MKNK2: variants seen among roughly 807,000 people sequenced by gnomAD.
The protein encoded by MKNK2 is MAPK interacting serine/threonine kinase 2, also known as MAP kinase-interacting serine/threonine-protein kinase 2.
A neutral mutation model predicts 55.0 loss-of-function variants in MKNK2; 54 were observed. That is an observed-to-expected ratio of 0.98 (90% CI 0.79 to 1.23). The LOEUF (loss-of-function observed/expected upper bound fraction) is 1.23. Among genes scored for constraint, MKNK2 ranks in the 50% most tolerant of loss-of-function variants. The pLI is 0.00. For synonymous variants in MKNK2, 323 were observed against 256.0 expected, an observed-to-expected ratio of 1.26 and a Z score of -2.50; for missense variants, 685 against 632.1, an observed-to-expected ratio of 1.08 and a Z score of -0.90.
chr19:2,040,803 A>G (rs2016860698), intron 12 of MKNK2: 2 of 557,456 alleles, frequency 3.6e-6, no homozygotes, highest in Non-Finnish European at 6.4e-6. Flanking sequence ...ACCACCCTCC[A>G]GGAAGGTTCT....
chr19:2,050,235 A>G (rs1274878822), intron 2 of MKNK2, among the ~76,000 whole-genome samples: 1 of 152,186 alleles, frequency 6.6e-6, no homozygotes, highest in Non-Finnish European at 1.5e-5. Context: ...GTGTCTGCGA[A>G]GTGCAGGGCT....
At chr19:2,043,848 C>G (rs907276989) in intron 5 of MKNK2, among the ~76,000 whole-genome samples, 7 of 151,996 alleles carry the variant, frequency 4.6e-5, no homozygotes, top group African/African-American at 1.7e-4. Context: ...GTGGTACACG[C>G]CTGTAATCCC....
chr19:2,045,318 G>T (rs1307031583), intron 5 of MKNK2, among the ~76,000 whole-genome samples: 1 of 152,154 alleles, frequency 6.6e-6, no homozygotes, highest in African/African-American at 2.4e-5. Context: ...AAGCAAGGCT[G>T]GGCCACCAGG....
chr19:2,050,497 G>C (rs2017091077), intron 2 of MKNK2, among the ~76,000 whole-genome samples: 1 of 152,202 alleles, frequency 6.6e-6, no homozygotes, highest in Non-Finnish European at 1.5e-5. Context: ...ACCCGGCGGG[G>C]GCTTGCAGGG....
intron 12 of MKNK2, chr19:2,040,791 C>G: frequency 1.8e-6 from 1 of 544,378 alleles, no homozygotes. Flanking sequence ...CTGTGGGTCC[C>G]CACCACCCTC....
intron 1 of MKNK2, 26 bp downstream of exon 1, chr19:2,051,070 G>C (rs904458174): frequency 1.3e-5 from 4 of 318,826 alleles, no homozygotes; most frequent in Non-Finnish European, 2.3e-5. Context: ...CGGTGTCCTC[G>C]GGGCCGCCCT....
Position 2,046,173 on chromosome 19 carries a change from G to A in MKNK2, c.339+13C>T, listed in dbSNP as rs375977759. On this transcript the variant is annotated intron_variant, in intron 5 of 13. Transcript: ENST00000250896. The stretch of plus-strand genomic sequence containing the variant: ...CAAGGCGCTGGGTTCCCCAGGGCGC[G>A]GCGCGGGCCCACCTTGACGGCGTAC... 270 of 1,607,000 alleles carry A rather than the reference G, an allele frequency of 1.7e-4. No homozygotes were observed. The highest frequency in any genetic ancestry group is 3.1e-4 in the East Asian group (14 of 44,884).
At chr19:2,046,330 G>C in intron 4 of MKNK2, 37 bp downstream of exon 4, 1 of 1,603,610 alleles carries the variant, frequency 6.2e-7, no homozygotes, top group Non-Finnish European at 8.5e-7. Flanking sequence ...GCTTTTCCCC[G>C]CTCCCGGCTC....
chr19:2,038,626 C>T lies in MKNK2; in HGVS notation c.*987G>A, dbSNP rs2145681102. 1.0e-6 allele frequency: 1 copy of T among 985,066 alleles called. No individual in the cohort carries two copies. 61.0% of individuals were successfully genotyped at this position (985,066 alleles called of 1,614,324 possible). A position where few individuals can be genotyped will look rare whatever the true frequency, so the allele number is the denominator to read the frequency against. On this transcript the variant is annotated 3_prime_UTR_variant, in exon 14 of 14. Coordinates refer to ENST00000250896, the MANE Select transcript of MKNK2 (RefSeq NM_199054.3). The stretch of plus-strand genomic sequence containing the variant: ...CGGGGTCTGGGCTCAGCTCTAAGGA[C>T]AAGGACGGAGCTGACGGAGCTTCCA...
At chr19:2,042,984 C>A in intron 7 of MKNK2, 114 bp from the exon 8 acceptor site, 6 of 1,327,324 alleles carry the variant, frequency 4.5e-6, no homozygotes, top group Non-Finnish European at 6.4e-6. Flanking sequence ...TGGCTTCCTC[C>A]AGCACAAAGG....
rs188032614 is a variant in MKNK2 at position 2,040,125 on chromosome 19, G to T, written c.1154+9C>A. 6.3e-7 allele frequency: 1 copy of T among 1,588,772 alleles called. No homozygotes were observed. Among genetic ancestry groups the T allele is most frequent in the Non-Finnish European group, 8.6e-7 (1 of 1,169,280 alleles). The stretch of plus-strand genomic sequence containing the variant: ...ACTCAGGGGTCCCGAGCACCCCTGC[G>T]GGCCTTACCTCTGCAGGACCATGGG... On this transcript the variant is annotated intron_variant, in intron 13 of 13. Transcript: ENST00000250896.
intron 11 of MKNK2, among the ~76,000 whole-genome samples, chr19:2,041,411 C>G (rs910723506): frequency 2.6e-5 from 4 of 152,104 alleles, no homozygotes; most frequent in African/African-American, 9.7e-5. Flanking sequence ...TCTGAGGGAC[C>G]TGGTTCCAGG....
At position 2,046,590 on chromosome 19, in the gene MKNK2, C is replaced by G. The variant is rs747356148; in HGVS notation, c.139+14G>C. On this transcript the variant is annotated intron_variant, in intron 3 of 13. Transcript: ENST00000250896. ...GCAGCTGCCCTGTGCCCTCCTCCCC[C>G]TCGGGCCCCTCACCAGGGCGGGCTG... The G allele has an allele frequency of 8.3e-6, 13 of 1,560,194 alleles. No individual in the cohort carries two copies. Among genetic ancestry groups the G allele is most frequent in the South Asian group, 3.5e-5 (3 of 84,926 alleles).
In MKNK2 at chr19:2,051,130, C is replaced by T. The variant is rs1203145280; in HGVS notation, c.-131G>A. On this transcript the variant is annotated 5_prime_UTR_variant, in exon 1 of 14. Transcript: ENST00000250896. The stretch of plus-strand genomic sequence containing the variant: ...GCTTGGGCCGGGGCCGCAGTGCCGC[C>T]GCCGCCCCACGTCGCGCAGCCCGGA... The T allele has an allele frequency of 5.5e-6, 1 of 182,372 alleles. No individual in the cohort carries two copies. The highest frequency in any genetic ancestry group is 1.1e-5 in the Non-Finnish European group (1 of 88,000). The allele number at this position is 182,372 out of a possible 1,614,324, so 11.3% of individuals were successfully genotyped here.
Position 2,041,841 on chromosome 19 carries a change from T to TGGCA in MKNK2, c.940_943dup (p.Gln315LeufsTer7). ...AGGAGGGTGCGCGGGCCGCCGCACC[T>TGGCA]GGCAGGCAGGGCAGGCCTCGCCGCG... On this transcript the variant is annotated frameshift_variant and splice_region_variant, in exon 11 of 14. Coordinates refer to ENST00000250896, the MANE Select transcript of MKNK2 (RefSeq NM_199054.3). LOFTEE classifies it high-confidence loss of function. 4 of 1,521,152 alleles carry TGGCA rather than the reference T, an allele frequency of 2.6e-6. No homozygotes were observed. Among genetic ancestry groups the TGGCA allele is most frequent in the Non-Finnish European group, 3.5e-6 (4 of 1,134,292 alleles). 94.2% of individuals were successfully genotyped at this position (1,521,152 alleles called of 1,614,324 possible). A position where few individuals can be genotyped will look rare whatever the true frequency, so the allele number is the denominator to read the frequency against.
At position 2,041,068 on chromosome 19, in the gene MKNK2, T is replaced by C. The variant is rs758293785; in HGVS notation, c.1082A>G (p.Gln361Arg). 2.5e-6 allele frequency: 4 copies of C among 1,613,972 alleles called. No individual in the cohort carries two copies. In the South Asian group the frequency reaches 4.4e-5, roughly 18 times the overall value. Residue 361 changes from glutamine (Q) to arginine (R), a missense_variant, in exon 12 of 14, where the codon CAA becomes CGA. Coordinates refer to ENST00000250896, the MANE Select transcript of MKNK2 (RefSeq NM_199054.3). The stretch of plus-strand genomic sequence containing the variant: ...CTGAACCCAGGGGTGCTGCAGGACT[T>C]GGGCGGCACTCAGCCTCTGCTTGGC... ...RDAKQRLSAA[Q>R]VLQHPWVQGC...
In MKNK2 at chr19:2,039,067, C is replaced by T. The variant is rs922253942; in HGVS notation, c.*546G>A. On this transcript the variant is annotated 3_prime_UTR_variant, in exon 14 of 14. Coordinates refer to ENST00000250896, the MANE Select transcript of MKNK2 (RefSeq NM_199054.3). ...CTGCCACCTGCCTGCCTGACACCTC[C>T]AGAGACAGGCAGCCCCTCCCTTCCC... is the stretch of plus-strand genomic sequence containing the variant. 2.0e-6 allele frequency: 2 copies of T among 986,774 alleles called. No individual in the cohort carries two copies. Among genetic ancestry groups the T allele is most frequent in the South Asian group, 4.7e-5 (1 of 21,352 alleles). The allele number at this position is 986,774 out of a possible 1,614,324, so 61.1% of individuals were successfully genotyped here. A position where few individuals can be genotyped will look rare whatever the true frequency, so the allele number is the denominator to read the frequency against.
chr19:2,041,585 C>A (rs745603434), intron 11 of MKNK2, among the ~76,000 whole-genome samples: 2 of 152,120 alleles, frequency 1.3e-5, no homozygotes, highest in African/African-American at 4.8e-5. Context: ...GCAGACAGGG[C>A]GGCACTGCCC....
chr19:2,039,728 C>G lies in MKNK2; in HGVS notation c.1283G>C (p.Arg428Pro). Residue 428 changes from arginine (R) to proline (P), a missense_variant, in exon 14 of 14, where the codon CGA becomes CCA. Physicochemically the swap from Arg to Pro is moderately radical, Grantham distance 103. Coordinates refer to ENST00000250896, the MANE Select transcript of MKNK2 (RefSeq NM_199054.3). ...CAGCTGCAGGCAGCGTGAGGTAGCT[C>G]GGACCAGGACGGGCTGGCCCTGCCC... ...AAGQGQPVLVRATSRCLQLSP... is the reference protein window; with the variant it reads ...AAGQGQPVLVPATSRCLQLSP... 3 of 1,611,166 alleles carry G rather than the reference C, an allele frequency of 1.9e-6. No individual in the cohort carries two copies. Among genetic ancestry groups the G allele is most frequent in the South Asian group, 1.1e-5 (1 of 91,076 alleles).
Sources: gnomAD v4.1 joint callset for allele counts (sites outside exome capture counted in the v4.1 genomes callset) on GRCh38, gnomAD v4.1.1 for gene constraint, MANE v1.5 for transcripts, NCBI Gene and HGNC (gene_info 2026-07-23, HGNC 2026-07-21) for gene names.